REDIC1: variants seen among roughly 807,000 people sequenced by gnomAD.
The protein encoded by REDIC1 is regulator of DNA class I crossover intermediates 1, also known as HEI10 Interacting Protein 1.
chr12:39,656,681 T>A, the REDIC1 span, among the ~76,000 whole-genome samples: 1 of 152,180 alleles, frequency 6.6e-6, no homozygotes, highest in Non-Finnish European at 1.5e-5. Context: ...TGTGAATCAC[T>A]GCCCCTGAAG....
chr12:39,745,445 C>T, the REDIC1 span, among the ~76,000 whole-genome samples: 1 of 152,152 alleles, frequency 6.6e-6, no homozygotes, highest in African/African-American at 2.4e-5. Context: ...GACTCTGCTT[C>T]CTCTGACTCA....
At chr12:39,651,275 T>C in the REDIC1 span, among the ~76,000 whole-genome samples, 2 of 152,170 alleles carry the variant, frequency 1.3e-5, no homozygotes, top group African/African-American at 4.8e-5. Context: ...TACCTATTTT[T>C]GGACTGCGGT....
the REDIC1 span, among the ~76,000 whole-genome samples, chr12:39,884,380 T>A: frequency 6.6e-6 from 1 of 152,202 alleles, no homozygotes; most frequent in Admixed American, 6.6e-5. Flanking sequence ...TTCGCCAAAC[T>A]TCGTATTTTC....
the REDIC1 span, chr12:39,764,419 A>G: frequency 6.7e-7 from 1 of 1,485,662 alleles, no homozygotes; most frequent in Non-Finnish European, 9.0e-7. Flanking sequence ...AATAGTGATA[A>G]AAATAAAAAC....
chr12:39,819,613 T>C, the REDIC1 span: 1 of 152,192 alleles, frequency 6.6e-6, no homozygotes, highest in Non-Finnish European at 1.5e-5. Context: ...GCAAATACTT[T>C]TTTTTCTCTA....
the REDIC1 span, among the ~76,000 whole-genome samples, chr12:39,635,163 G>A: frequency 2.6e-5 from 4 of 152,102 alleles, no homozygotes; most frequent in Non-Finnish European, 5.9e-5. Flanking sequence ...GGGAGGATGT[G>A]GAGAAATAGG....
chr12:39,773,902 C>G, the REDIC1 span, among the ~76,000 whole-genome samples: 2 of 152,206 alleles, frequency 1.3e-5, no homozygotes, highest in Non-Finnish European at 2.9e-5. Flanking sequence ...CATCTACCAT[C>G]GTTCTACTGG....
the REDIC1 span, among the ~76,000 whole-genome samples, chr12:39,712,390 A>G: frequency 1.5e-5 from 2 of 132,854 alleles, no homozygotes; most frequent in African/African-American, 5.4e-5. Context: ...CTATATATAT[A>G]CCTGTATGTA....
At chr12:39,759,415 A>T in the REDIC1 span, 2 of 152,450 alleles carry the variant, frequency 1.3e-5, no homozygotes, top group Admixed American at 1.3e-4. Context: ...GTATCTGAAG[A>T]ACTCCCAATA....
the REDIC1 span, among the ~76,000 whole-genome samples, chr12:39,901,217 A>T: frequency 6.6e-6 from 1 of 152,260 alleles, no homozygotes; most frequent in African/African-American, 2.4e-5. Flanking sequence ...CTTAAACGTT[A>T]GACCTGAAAC....
chr12:39,768,511 G>A, the REDIC1 span, among the ~76,000 whole-genome samples: 1 of 152,108 alleles, frequency 6.6e-6, no homozygotes, highest in East Asian at 1.9e-4. Flanking sequence ...AGTGAGAGTC[G>A]TGCTACTATT....
the REDIC1 span, among the ~76,000 whole-genome samples, chr12:39,790,628 A>C: frequency 3.8e-5 from 5 of 130,704 alleles, no homozygotes; most frequent in Admixed American, 2.4e-4. Flanking sequence ...ATTGTTGGAC[A>C]TTTGGGTTGG....
At chr12:39,706,120 C>G in the REDIC1 span, among the ~76,000 whole-genome samples, 6 of 151,968 alleles carry the variant, frequency 3.9e-5, no homozygotes, top group Non-Finnish European at 5.9e-5. Context: ...AAAAAAGTTG[C>G]AGCAGGCAAA....
the REDIC1 span, among the ~76,000 whole-genome samples, chr12:39,889,805 C>T: frequency 6.6e-6 from 1 of 152,144 alleles, no homozygotes; most frequent in Non-Finnish European, 1.5e-5. Flanking sequence ...GTTGGGATTA[C>T]AGGTGTGAGC....
the REDIC1 span, among the ~76,000 whole-genome samples, chr12:39,733,420 G>A: frequency 1.0e-3 from 157 of 151,760 alleles, 2 homozygotes; most frequent in Non-Finnish European, 1.3e-3. Flanking sequence ...TCAATTTGTT[G>A]GATCTTCTTT....
the REDIC1 span, among the ~76,000 whole-genome samples, chr12:39,710,549 T>C: frequency 1.4e-4 from 21 of 151,958 alleles, no homozygotes; most frequent in African/African-American, 5.1e-4. Context: ...TCCATTAATG[T>C]TTAGAAATAT....
At chr12:39,896,453 T>C in the REDIC1 span, among the ~76,000 whole-genome samples, 4 of 144,462 alleles carry the variant, frequency 2.8e-5, no homozygotes, top group Non-Finnish European at 6.0e-5. Context: ...TGTATATGTG[T>C]GTATATATGT....
the REDIC1 span, chr12:39,684,897 T>C: frequency 1.2e-6 from 2 of 1,612,656 alleles, no homozygotes; most frequent in Middle Eastern, 1.7e-4. Context: ...AATTGCACTC[T>C]AAGCAGTCAT....
the REDIC1 span, among the ~76,000 whole-genome samples, chr12:39,722,356 C>T: frequency 1.3e-5 from 2 of 152,044 alleles, no homozygotes; most frequent in Admixed American, 6.6e-5. Flanking sequence ...ATGATCAACT[C>T]ATGGAAGGGG....
Sources: allele counts gnomAD v4.1 joint callset (sites outside exome capture counted in the v4.1 genomes callset), GRCh38; gene constraint gnomAD v4.1.1; transcripts MANE v1.5; gene names NCBI Gene and HGNC (gene_info 2026-07-23, HGNC 2026-07-21).